PES1: variants seen among roughly 807,000 people sequenced by gnomAD.
PES1 encodes the protein pescadillo homolog.
A neutral mutation model predicts 77.1 loss-of-function variants in PES1; 31 were observed. The ratio of observed to expected loss-of-function variants is 0.40; its 90% confidence interval spans 0.30 to 0.54. The LOEUF (loss-of-function observed/expected upper bound fraction) is 0.54. Among genes scored for constraint, PES1 ranks in the 20% least tolerant of loss-of-function variants. The pLI is 0.45. For synonymous variants in PES1, 282 were observed against 303.0 expected (o/e 0.93, Z 0.72); for missense variants, 658 against 771.7 (o/e 0.85, Z 1.75).
intron 9 of PES1, 68 bp downstream of exon 9, chr22:30,580,944 C>T (rs2086975191): frequency 5.1e-6 from 7 of 1,382,812 alleles, no homozygotes; most frequent in Non-Finnish European, 7.1e-6. Flanking sequence ...ATGCAAATGT[C>T]CCTAAGCTGG....
At chr22:30,577,907 A>G (rs935502722) in intron 14 of PES1, among the ~76,000 whole-genome samples, 4 of 152,238 alleles carry the variant, frequency 2.6e-5, no homozygotes, top group Non-Finnish European at 5.9e-5. Context: ...TCTGAGAATG[A>G]CTGAAACTGG....
At chr22:30,585,563 G>T (rs891697629) in intron 4 of PES1, among the ~76,000 whole-genome samples, 1 of 152,076 alleles carries the variant, frequency 6.6e-6, no homozygotes, top group African/African-American at 2.4e-5. Flanking sequence ...CACAGCAGCT[G>T]CCAGAGACGC....
In PES1 at chr22:30,591,890, C is replaced by T. The variant is rs867510617; in HGVS notation, c.-57G>A. 19 of 1,529,280 alleles carry T rather than the reference C, an allele frequency of 1.2e-5. No homozygotes were observed. The highest frequency in any genetic ancestry group is 2.4e-5 in the South Asian group (2 of 82,774). The allele number at this position is 1,529,280 out of a possible 1,614,324, so 94.7% of individuals were successfully genotyped here. ...GCGTACAGGGAGCTCCACTTCCTCCCGCACGTGCCCTGCCAAGGACCCCGA... is the reference window on the plus strand; with the variant it reads ...GCGTACAGGGAGCTCCACTTCCTCCTGCACGTGCCCTGCCAAGGACCCCGA... On this transcript the variant is annotated 5_prime_UTR_variant, in exon 1 of 15. Coordinates refer to ENST00000354694, the MANE Select transcript of PES1 (RefSeq NM_014303.4).
chr22:30,587,074 C>G (rs951847450), intron 4 of PES1: 3 of 543,874 alleles, frequency 5.5e-6, no homozygotes, highest in South Asian at 2.3e-5. Context: ...GCTCAAACGT[C>G]TCCCTTCAGA....
rs60067454 is a variant in PES1 at position 30,602,438 on chromosome 22, C to CTTTT, written c.-661+3019_-661+3022dup. Among the ~76,000 whole-genome samples, 41 of 142,716 alleles carry CTTTT rather than the reference C, an allele frequency of 2.9e-4. 5 individuals carry two copies. The highest frequency in any genetic ancestry group is 2.4e-4 in the Non-Finnish European group (16 of 65,734). The allele number at this position is 142,716 out of a possible 152,430, so 93.6% of individuals were successfully genotyped here. A position where few individuals can be genotyped will look rare whatever the true frequency, so the allele number is the denominator to read the frequency against. On this transcript the variant is annotated intron_variant, in intron 2 of 16. Coordinates refer to the PES1 transcript ENST00000402281. ...CTTTATAGCAGTGTGAAAACTAATA[C>CTTTT]TTTTTTTTTTTTGACACAAGAGTTC...
At chr22:30,586,322 G>A (rs988683263) in intron 4 of PES1, among the ~76,000 whole-genome samples, 1 of 152,186 alleles carries the variant, frequency 6.6e-6, no homozygotes, top group Non-Finnish European at 1.5e-5. Context: ...ACACAGCTGG[G>A]ATGCGAACAC....
chr22:30,580,216 ATGAGCTGCCTGTCC>A, intron 10 of PES1, 38 bp from the exon 11 acceptor site: 1 of 1,580,958 alleles, frequency 6.3e-7, no homozygotes, highest in Non-Finnish European at 8.6e-7. Flanking sequence ...GTACACAGAC[ATGAGCTGCCTGTCC>A]TGAGACTCAG....
chr22:30,587,056 G>A (rs185607191), intron 4 of PES1: 15 of 507,322 alleles, frequency 3.0e-5, no homozygotes, highest in South Asian at 9.3e-5. Flanking sequence ...TTGTGCTTCC[G>A]CGGGCTGGCT....
intron 2 of PES1, among the ~76,000 whole-genome samples, chr22:30,597,147 C>T (rs2087266196): frequency 6.6e-6 from 1 of 152,156 alleles, no homozygotes; most frequent in Admixed American, 6.5e-5. Context: ...AGTCTCCTCC[C>T]TGCCGCTGTG....
Position 30,599,497 on chromosome 22 carries a change from A to ATT in PES1, c.-661+5962_-661+5963dup, listed in dbSNP as rs905355312. ...CGAGTTATCAACAAAATAAGTACGT[A>ATT]TTTTAAGATTCTTAGGTGAACATCT... is the stretch of plus-strand genomic sequence containing the variant. On this transcript the variant is annotated intron_variant, in intron 2 of 16. Coordinates refer to the PES1 transcript ENST00000402281. Among the ~76,000 whole-genome samples, 25 of 152,236 alleles carry ATT rather than the reference A, an allele frequency of 1.6e-4. 1 individual carries two copies. Among genetic ancestry groups the ATT allele is most frequent in the African/African-American group, 6.0e-4 (25 of 41,472 alleles).
At chr22:30,584,106 A>AT in intron 6 of PES1, 1 of 525,654 alleles carries the variant, frequency 1.9e-6, no homozygotes, top group Non-Finnish European at 3.5e-6. Context: ...AAGGGTGTAG[A>AT]CACTGTTAAC....
chr22:30,577,173 G>C (rs1281850972), intron 14 of PES1, 44 bp from the exon 15 acceptor site: 3 of 1,488,330 alleles, frequency 2.0e-6, no homozygotes, highest in Non-Finnish European at 1.9e-6. Context: ...ATGTGTAGAA[G>C]GGAGGGTGGG....
upstream of PES1, among the ~76,000 whole-genome samples, chr22:30,595,802 C>T (rs996389852): frequency 6.6e-6 from 1 of 152,110 alleles, no homozygotes; most frequent in Non-Finnish European, 1.5e-5. Context: ...CTGGGCTTAC[C>T]GGCAGGGGTG....
chr22:30,580,259 C>T, intron 10 of PES1, 81 bp from the exon 11 acceptor site: 1 of 1,516,492 alleles, frequency 6.6e-7, no homozygotes, highest in Non-Finnish European at 8.9e-7. Context: ...GACCTGCTGG[C>T]CACCCAGCCC....
chr22:30,593,925 C>T (rs975471816), upstream of PES1, among the ~76,000 whole-genome samples: 3 of 152,114 alleles, frequency 2.0e-5, no homozygotes, highest in Non-Finnish European at 2.9e-5. Flanking sequence ...CACTACCTAA[C>T]GTATAGTAGA....
intron 7 of PES1, 27 bp downstream of exon 7, chr22:30,581,501 G>A (rs2086987241): frequency 6.2e-7 from 1 of 1,605,526 alleles, no homozygotes; most frequent in Non-Finnish European, 8.5e-7. Context: ...TGCACGGCGA[G>A]CAGAAGGCAC....
chr22:30,592,143 T>G, upstream of PES1: 5 of 1,183,856 alleles, frequency 4.2e-6, no homozygotes, highest in African/African-American at 1.6e-5. Context: ...CTGATGACGA[T>G]TCATTGACTG....
At position 30,584,377 on chromosome 22, in the gene PES1, G is replaced by A; in HGVS notation, c.618C>T (p.Ala206=). Residue 206 remains alanine, a synonymous_variant, in exon 6 of 15, where the codon GCC becomes GCT. Coordinates refer to ENST00000354694, the MANE Select transcript of PES1 (RefSeq NM_014303.4). ...GQPIVWITPY[A]FSHDHPTDVD... is the part of the protein sequence containing the mutation. The stretch of plus-strand genomic sequence containing the variant: ...CAGGCACACTCACGTCATGGGAGAA[G>A]GCATAGGGAGTGATCCACACGATGG... The A allele has an allele frequency of 1.9e-6, 3 of 1,610,374 alleles. No homozygotes were observed. The highest frequency in any genetic ancestry group is 2.5e-6 in the Non-Finnish European group (3 of 1,178,044).
At chr22:30,593,959 T>C (rs2146485645), upstream of PES1, among the ~76,000 whole-genome samples, 1 of 152,314 alleles carries the variant, frequency 6.6e-6, no homozygotes, top group East Asian at 1.9e-4. Flanking sequence ...GACTCCAGGA[T>C]AATGCCAGGT....
Sources: gnomAD v4.1 joint callset for allele counts (sites outside exome capture counted in the v4.1 genomes callset) on GRCh38, gnomAD v4.1.1 for gene constraint, MANE v1.5 for transcripts, NCBI Gene and HGNC (gene_info 2026-07-23, HGNC 2026-07-21) for gene names.